The following SIM2 variants were observed in gnomAD, a reference collection of about 807,000 sequenced individuals.
SIM2 encodes single-minded homolog 2.
A neutral mutation model predicts 64.8 loss-of-function variants in SIM2; 28 were observed. The observed-to-expected ratio is 0.43, with a 90% CI of 0.32 to 0.59. The LOEUF (loss-of-function observed/expected upper bound fraction) is 0.59. Among genes scored for constraint, SIM2 ranks in the 20% least tolerant of loss-of-function variants. The probability of loss-of-function intolerance (pLI) is 0.07; values close to 1 mark genes in which losing one functional copy is unlikely to be tolerated. For synonymous variants in SIM2, 408 were observed against 391.1 expected, an observed-to-expected ratio of 1.04 and a Z score of -0.51; for missense variants, 847 against 871.4, an observed-to-expected ratio of 0.97 and a Z score of 0.35.
intron 1 of SIM2, among the ~76,000 whole-genome samples, chr21:36,705,361 T>A (rs1009706408): frequency 6.6e-6 from 1 of 152,206 alleles, no homozygotes; most frequent in African/African-American, 2.4e-5. Context: ...AGTCCTCAGA[T>A]GGCCGGCAAC....
chr21:36,713,946 C>A (rs948494802), intron 3 of SIM2, among the ~76,000 whole-genome samples: 1 of 152,222 alleles, frequency 6.6e-6, no homozygotes, highest in Non-Finnish European at 1.5e-5. Context: ...TTTACTAAGG[C>A]TTGGCACTTG....
chr21:36,703,887 C>T (rs2088541353), intron 1 of SIM2, among the ~76,000 whole-genome samples: 1 of 152,230 alleles, frequency 6.6e-6, no homozygotes, highest in African/African-American at 2.4e-5. Flanking sequence ...GGCCTCTGCC[C>T]ATCGGAGGTC....
chr21:36,747,554 C>T lies in SIM2; in HGVS notation c.1577-111C>T, dbSNP rs2089244955. The stretch of plus-strand genomic sequence containing the variant: ...GCGGGGGAGGGCGACAGCGACCCCG[C>T]GGGTGCAGCGCGTGGGCGGCCGAGG... On this transcript the variant is annotated intron_variant, in intron 10 of 10. Transcript: ENST00000290399. This position sits in a 1 kb window ranked among gnomAD's most constrained non-coding sequence, Gnocchi z 4.5. 5 of 663,144 alleles carry T rather than the reference C, an allele frequency of 7.5e-6. No homozygotes were observed. In the South Asian group the frequency reaches 3.8e-4, roughly 51 times the overall value. 41.1% of individuals were successfully genotyped at this position (663,144 alleles called of 1,614,324 possible).
intron 2 of SIM2, 180 bp downstream of exon 2, chr21:36,709,430 T>C (rs1052667049): frequency 1.4e-5 from 10 of 705,126 alleles, no homozygotes; most frequent in African/African-American, 3.5e-5. Context: ...GGATGCGGCC[T>C]GCGGCCAACC....
chr21:36,701,750 G>T (rs1437395097), intron 1 of SIM2, among the ~76,000 whole-genome samples: 1 of 152,228 alleles, frequency 6.6e-6, no homozygotes, highest in Admixed American at 6.5e-5. Flanking sequence ...ATTCCACTCC[G>T]GTTGATGTTT....
rs185250439 is a variant in SIM2, at chr21:36,714,788, A to G, written c.348+2166A>G. 5.0e-4 allele frequency among the ~76,000 whole-genome samples: 76 copies of G among 152,328 alleles called. No individual in the cohort carries two copies. In the East Asian group the frequency reaches 5.8e-3, roughly 12 times the overall value. ...ATGTGGAAAATAGAATTGATTGATT[A>G]TAAACACAATAATTAAGAAGGACCA... On this transcript the variant is annotated intron_variant, in intron 3 of 10. Transcript: ENST00000290399.
At chr21:36,738,571 T>C (rs958718297) in intron 7 of SIM2, among the ~76,000 whole-genome samples, 2 of 152,176 alleles carry the variant, frequency 1.3e-5, no homozygotes, top group African/African-American at 4.8e-5. Flanking sequence ...TAGAGAACTT[T>C]CCAGAGGCCG....
At chr21:36,702,397 C>T (rs1358311320) in intron 1 of SIM2, among the ~76,000 whole-genome samples, 1 of 152,260 alleles carries the variant, frequency 6.6e-6, no homozygotes, top group Non-Finnish European at 1.5e-5. Flanking sequence ...GGCTTAGTCC[C>T]TCCCTCCTCC....
chr21:36,728,647 G>C (rs1015354929), intron 6 of SIM2, among the ~76,000 whole-genome samples: 5 of 152,212 alleles, frequency 3.3e-5, no homozygotes, highest in Admixed American at 2.6e-4. Context: ...GGCTGAAAGG[G>C]GTCAGAAGAA....
intron 2 of SIM2, 44 bp downstream of exon 2, chr21:36,709,294 C>A: frequency 6.9e-7 from 1 of 1,454,532 alleles, no homozygotes; most frequent in Non-Finnish European, 9.4e-7. Context: ...GCCGCAGGCT[C>A]CCTTCCCACC....
chr21:36,741,808 G>A lies in SIM2; in HGVS notation c.942G>A (p.Val314=). The change falls in exon 8 of 11, where the codon GTG becomes GTA. Residue 314 remains valine, a synonymous_variant. Coordinates refer to ENST00000290399, the MANE Select transcript of SIM2 (RefSeq NM_005069.6). ...GGGTGCAGAGCTACGCCACCGTGGTGCACAACAGCCGCTCGTCCCGGCCCC... is the reference window on the plus strand; with the variant it reads ...GGGTGCAGAGCTACGCCACCGTGGTACACAACAGCCGCTCGTCCCGGCCCC... ...WVWVQSYATV[V]HNSRSSRPHC... The A allele has an allele frequency of 1.2e-6, 2 of 1,610,812 alleles. No homozygotes were observed. Among genetic ancestry groups the A allele is most frequent in the Non-Finnish European group, 1.7e-6 (2 of 1,179,214 alleles).
chr21:36,704,612 G>A (rs1197519237), intron 1 of SIM2, among the ~76,000 whole-genome samples: 1 of 152,214 alleles, frequency 6.6e-6, no homozygotes, highest in Non-Finnish European at 1.5e-5. Flanking sequence ...ACCCCGGGGC[G>A]GAAAGGGAGC....
chr21:36,708,643 T>A (rs2088625128), intron 1 of SIM2, among the ~76,000 whole-genome samples: 1 of 151,248 alleles, frequency 6.6e-6, no homozygotes, highest in African/African-American at 2.4e-5. Context: ...TGTAGGGGGT[T>A]TTTTATGCGG....
intron 1 of SIM2, chr21:36,701,416 A>T (rs927826573): frequency 6.6e-6 from 1 of 152,236 alleles, no homozygotes; most frequent in South Asian, 2.1e-4. Flanking sequence ...GGTGGAGCGC[A>T]GAGGGCTGGT....
chr21:36,702,209 T>C (rs751189174), intron 1 of SIM2, among the ~76,000 whole-genome samples: 1 of 151,960 alleles, frequency 6.6e-6, no homozygotes, highest in Non-Finnish European at 1.5e-5. Flanking sequence ...CTTCTGGGGG[T>C]CAGGCCTTGA....
intron 4 of SIM2, among the ~76,000 whole-genome samples, chr21:36,721,055 A>G (rs2088817166): frequency 6.6e-6 from 1 of 152,188 alleles, no homozygotes; most frequent in African/African-American, 2.4e-5. Context: ...GGCTGGGAAG[A>G]GAGAATACAA....
chr21:36,714,192 T>C (rs1052703489), intron 3 of SIM2, among the ~76,000 whole-genome samples: 1 of 152,250 alleles, frequency 6.6e-6, no homozygotes, highest in African/African-American at 2.4e-5. Context: ...CCCAGACTAG[T>C]TTCTACTTCT....
intron 2 of SIM2, chr21:36,710,479 A>G (rs766055797): frequency 6.6e-6 from 1 of 152,156 alleles, no homozygotes; most frequent in African/African-American, 2.4e-5. Context: ...AATGCCCTTT[A>G]CAGAGCCTCA....
Position 36,699,871 on chromosome 21 carries a change from T to C in SIM2, c.125T>C (p.Ile42Thr). ...AITSQLDKAS[I>T]IRLTTSYLKM... The stretch of plus-strand genomic sequence containing the variant: ...ACTTCGCAGCTGGACAAAGCGTCCA[T>C]CATCCGCCTCACCACGAGCTACCTG... The change falls in exon 1 of 11, where the codon ATC (isoleucine) becomes ACC (threonine). Residue 42 changes from isoleucine to threonine, a missense_variant. Physicochemically the swap from Ile to Thr is moderately conservative, Grantham distance 89. This residue lies in a region of SIM2 where 397 missense variants were observed against 439.2 expected (regional missense o/e 0.90). Coordinates refer to ENST00000290399, the MANE Select transcript of SIM2 (RefSeq NM_005069.6). The surrounding 1 kb of genome is among the most constrained non-coding windows in gnomAD (Gnocchi z 5.6). 4 of 1,608,446 alleles carry C rather than the reference T, an allele frequency of 2.5e-6. No homozygotes were observed. Among genetic ancestry groups the C allele is most frequent in the Non-Finnish European group, 3.4e-6 (4 of 1,177,628 alleles).
Sources: gnomAD v4.1 joint callset for allele counts (sites outside exome capture counted in the v4.1 genomes callset) on GRCh38, gnomAD v4.1.1 for gene constraint, gnomAD v4.1.1 regional missense constraint, Gnocchi (gnomAD v3.1) non-coding constraint, MANE v1.5 for transcripts, NCBI Gene and HGNC (gene_info 2026-07-23, HGNC 2026-07-21) for gene names.